Variants in ASCC1 observed in about 807,000 individuals in gnomAD.
ASCC1 encodes ASC-1 complex subunit P50.
ASCC1 carries 35 observed loss-of-function variants against 46.6 expected under a neutral mutation model. The ratio of observed to expected loss-of-function variants is 0.75; its 90% CI spans 0.57 to 0.99. ASCC1 has a LOEUF of 0.99. ASCC1 is among the 50% of genes least tolerant of loss of function. ASCC1 has a pLI of 0.00. For missense variants in ASCC1, 376 were observed against 428.7 expected (o/e 0.88, Z 1.09); for synonymous variants, 143 against 146.6 (o/e 0.98, Z 0.18).
intron 3 of ASCC1, among the ~76,000 whole-genome samples, chr10:72,206,176 G>C (rs904779979): frequency 6.6e-6 from 1 of 151,432 alleles, no homozygotes; most frequent in Non-Finnish European, 1.5e-5. Flanking sequence ...AGGCTGAGGC[G>C]GGTGGATCAC....
Position 72,213,994 on chromosome 10 carries a change from C to T in ASCC1, c.-33-663G>A, listed in dbSNP as rs369121033. On this transcript the variant is annotated intron_variant, in intron 1 of 9. Coordinates refer to ENST00000672957, the MANE Select transcript of ASCC1 (RefSeq NM_001198800.3). ...CGGAAGTTGCAGTGAGCTAAGATCG[C>T]GCCACTGCACTCCAGCCTGGGCAAC... Among the ~76,000 whole-genome samples the T allele has an allele frequency of 1.9e-3, 291 of 151,658 alleles. 12 individuals carry two copies. In the South Asian group the frequency reaches 0.059, roughly 31 times the overall value.
At chr10:72,191,199 A>G (rs1441242132) in intron 5 of ASCC1, among the ~76,000 whole-genome samples, 1 of 147,596 alleles carries the variant, frequency 6.8e-6, no homozygotes, top group Non-Finnish European at 1.5e-5. Flanking sequence ...CTGGGATTAC[A>G]GGCGCCCGCC....
intron 6 of ASCC1, among the ~76,000 whole-genome samples, chr10:72,155,146 G>A (rs1335758012): frequency 6.6e-6 from 1 of 152,154 alleles, no homozygotes; most frequent in East Asian, 1.9e-4. Context: ...AGGATACAGA[G>A]AAAGTGGTAC....
intron 6 of ASCC1, among the ~76,000 whole-genome samples, chr10:72,153,672 C>T (rs1391398832): frequency 2.0e-5 from 3 of 151,716 alleles, no homozygotes; most frequent in African/African-American, 7.3e-5. Context: ...GTGATCTGCC[C>T]GCCTCAGCCT....
chr10:72,133,715 A>T (rs1377065438), intron 7 of ASCC1: 2 of 180,654 alleles, frequency 1.1e-5, no homozygotes, highest in African/African-American at 4.8e-5. Context: ...TTCAAAAGGG[A>T]ATTATGTGGT....
chr10:72,190,735 C>T (rs1271815743), intron 5 of ASCC1, among the ~76,000 whole-genome samples: 3 of 152,180 alleles, frequency 2.0e-5, no homozygotes, highest in South Asian at 2.1e-4. Context: ...CGGTGGCTCA[C>T]GCCTGTAATC....
At chr10:72,187,719 CAAAA>C (rs761851091) in intron 5 of ASCC1, among the ~76,000 whole-genome samples, 11 of 35,200 alleles carry the variant, frequency 3.1e-4, no homozygotes, top group South Asian at 1.0e-3. Context: ...GAATCCGTCT[CAAAA>C]AAAAAAAAAA....
intron 5 of ASCC1, among the ~76,000 whole-genome samples, chr10:72,165,494 G>A (rs1277652021): frequency 6.6e-6 from 1 of 152,216 alleles, no homozygotes; most frequent in African/African-American, 2.4e-5. Context: ...GTATAATCAG[G>A]TCTCTGGCCT....
At chr10:72,138,764 G>A (rs1846591907) in intron 7 of ASCC1, among the ~76,000 whole-genome samples, 1 of 152,050 alleles carries the variant, frequency 6.6e-6, no homozygotes, top group African/African-American at 2.4e-5. Flanking sequence ...CAGAGATGGG[G>A]TTTTGCCATG....
At chr10:72,211,388 A>C (rs1858084398) in intron 2 of ASCC1, among the ~76,000 whole-genome samples, 1 of 152,144 alleles carries the variant, frequency 6.6e-6, no homozygotes, top group African/African-American at 2.4e-5. Context: ...AAATATTTGA[A>C]AAAAAAATCC....
At chr10:72,164,804 A>C (rs1246570103) in intron 5 of ASCC1, among the ~76,000 whole-genome samples, 1 of 152,242 alleles carries the variant, frequency 6.6e-6, no homozygotes. Context: ...GCTTTTTAAA[A>C]AAATGATAGC....
At chr10:72,214,092 C>G (rs1472244845) in intron 1 of ASCC1, among the ~76,000 whole-genome samples, 1 of 151,608 alleles carries the variant, frequency 6.6e-6, no homozygotes, top group Non-Finnish European at 1.5e-5. Context: ...GTGGCTTACA[C>G]CTGTACTCCC....
chr10:72,211,658 C>T lies in ASCC1; in HGVS notation c.113-827G>A, dbSNP rs189557358. On this transcript the variant is annotated intron_variant, in intron 2 of 9. Transcript: ENST00000672957. ...CTATCACAGTGAAACCCCGTCTCTA[C>T]TAAAAATATAAAAAATTAGCCAGGC... is the stretch of plus-strand genomic sequence containing the variant. Among the ~76,000 whole-genome samples, 5 of 151,954 alleles carry T rather than the reference C, an allele frequency of 3.3e-5. No homozygotes were observed. The East Asian group carries it at 7.7e-4, about 23-fold the overall frequency.
chr10:72,185,609 GCAA>G (rs1330062466), intron 5 of ASCC1, among the ~76,000 whole-genome samples: 1 of 152,052 alleles, frequency 6.6e-6, no homozygotes, highest in Non-Finnish European at 1.5e-5. Flanking sequence ...AAACCTAATA[GCAA>G]CACAAAATAG....
chr10:72,113,899 C>A (rs142043974), intron 9 of ASCC1, among the ~76,000 whole-genome samples: 1 of 152,328 alleles, frequency 6.6e-6, no homozygotes, highest in African/African-American at 2.4e-5. Flanking sequence ...GCACCATATT[C>A]TAGCAGGATG....
intron 7 of ASCC1, among the ~76,000 whole-genome samples, chr10:72,150,921 G>T (rs1848247057): frequency 6.6e-6 from 1 of 152,200 alleles, no homozygotes; most frequent in African/African-American, 2.4e-5. Flanking sequence ...AGTTAGAATG[G>T]TGATCATTAA....
intron 6 of ASCC1, among the ~76,000 whole-genome samples, chr10:72,160,890 T>C (rs557585814): frequency 2.0e-4 from 30 of 151,174 alleles, no homozygotes; most frequent in Non-Finnish European, 2.2e-4. Flanking sequence ...AAGACCATCC[T>C]GGCTAAAATG....
At chr10:72,204,367 C>A in intron 3 of ASCC1, 9 of 1,549,036 alleles carry the variant, frequency 5.8e-6, no homozygotes, top group Non-Finnish European at 7.9e-6. Context: ...GACATGAGCT[C>A]ACAATCCCCA....
Position 72,137,784 on chromosome 10 carries a change from G to A in ASCC1, c.747-4603C>T, listed in dbSNP as rs112043649. ...GTATATCTATGGATGGTGAGGTTAC[G>A]TAATCAGAAAAAATTTTCAGATAAA... On this transcript the variant is annotated intron_variant, in intron 7 of 9. Coordinates refer to ENST00000672957, the MANE Select transcript of ASCC1 (RefSeq NM_001198800.3). Among the ~76,000 whole-genome samples the A allele has an allele frequency of 8.3e-3, 1,258 of 151,988 alleles. 12 individuals are homozygous for A. The highest frequency in any genetic ancestry group is 0.014 in the Non-Finnish European group (956 of 67,974).
Sources: gnomAD v4.1 joint callset for allele counts (sites outside exome capture counted in the v4.1 genomes callset) on GRCh38, gnomAD v4.1.1 for gene constraint, MANE v1.5 for transcripts, NCBI Gene and HGNC (gene_info 2026-07-23, HGNC 2026-07-21) for gene names.